FNIP1: variants seen among roughly 807,000 people sequenced by gnomAD.
The protein encoded by FNIP1 is folliculin interacting protein 1.
In FNIP1, 40 loss-of-function variants were observed where a neutral mutation model predicts 124.5. That is an observed-to-expected ratio of 0.32 (90% CI 0.25 to 0.42). FNIP1 has a LOEUF of 0.42. FNIP1 is among the 10% of genes least tolerant of loss of function. FNIP1 has a pLI of 1.00. For synonymous variants in FNIP1, 472 were observed against 470.6 expected (o/e 1.00, Z -0.04); for missense variants, 1,176 against 1,403.7 (o/e 0.84, Z 2.59).
chr5:131,787,054 G>C (rs1311430530), intron 1 of FNIP1, among the ~76,000 whole-genome samples: 1 of 152,128 alleles, frequency 6.6e-6, no homozygotes, highest in African/African-American at 2.4e-5. Flanking sequence ...TCTTCAGCCA[G>C]CATTTTGTGG....
chr5:131,740,409 T>C (rs1008193388), intron 2 of FNIP1, among the ~76,000 whole-genome samples: 1 of 152,250 alleles, frequency 6.6e-6, no homozygotes, highest in Non-Finnish European at 1.5e-5. Context: ...TCTTAAAATC[T>C]GTAATCATCT....
intron 1 of FNIP1, among the ~76,000 whole-genome samples, chr5:131,764,702 A>G (rs1333221878): frequency 6.6e-6 from 1 of 152,072 alleles, no homozygotes; most frequent in Non-Finnish European, 1.5e-5. Flanking sequence ...TGAAAAGAAC[A>G]TCTATACGCA....
intron 9 of FNIP1, 56 bp downstream of exon 9, chr5:131,706,355 A>G: frequency 6.8e-7 from 1 of 1,460,912 alleles, no homozygotes; most frequent in South Asian, 1.5e-5. Flanking sequence ...AAACCCATAT[A>G]AAATTGTGTT....
chr5:131,702,526 G>A (rs1167872480), intron 10 of FNIP1, among the ~76,000 whole-genome samples: 1 of 152,082 alleles, frequency 6.6e-6, no homozygotes, highest in Admixed American at 6.5e-5. Flanking sequence ...CCCTTTGGGT[G>A]GCAAGAATGT....
chr5:131,779,527 A>C (rs1027878008), intron 1 of FNIP1, among the ~76,000 whole-genome samples: 1 of 151,794 alleles, frequency 6.6e-6, no homozygotes, highest in African/African-American at 2.4e-5. Context: ...AAAAAAAAAA[A>C]AAATACAAAA....
At chr5:131,664,842 T>A (rs544350134) in intron 15 of FNIP1, among the ~76,000 whole-genome samples, 1 of 150,770 alleles carries the variant, frequency 6.6e-6, no homozygotes, top group Non-Finnish European at 1.5e-5. Context: ...TATGGGTATA[T>A]ATAAATACAT....
intron 2 of FNIP1, among the ~76,000 whole-genome samples, chr5:131,741,192 C>A (rs977975935): frequency 6.6e-6 from 1 of 152,066 alleles, no homozygotes; most frequent in Non-Finnish European, 1.5e-5. Flanking sequence ...CTCTTGGGGT[C>A]TGGATCCAGA....
chr5:131,644,810 G>A (rs776790503), intron 17 of FNIP1, 47 bp from the exon 18 acceptor site: 1 of 1,570,682 alleles, frequency 6.4e-7, no homozygotes, highest in African/African-American at 1.3e-5. Context: ...TCTGTACTGA[G>A]GACATGAACT....
chr5:131,760,795 A>C (rs1179058452), intron 1 of FNIP1, among the ~76,000 whole-genome samples: 1 of 151,606 alleles, frequency 6.6e-6, no homozygotes, highest in East Asian at 1.9e-4. Context: ...AAAGCTATGC[A>C]TGTAGAATTA....
chr5:131,765,540 T>G (rs1182019045), intron 1 of FNIP1, among the ~76,000 whole-genome samples: 1 of 152,238 alleles, frequency 6.6e-6, no homozygotes, highest in Non-Finnish European at 1.5e-5. Flanking sequence ...AATGTAAGCA[T>G]GCTTTCCTTA....
chr5:131,746,756 T>A (rs1343559977), intron 1 of FNIP1, among the ~76,000 whole-genome samples: 1 of 152,200 alleles, frequency 6.6e-6, no homozygotes, highest in Non-Finnish European at 1.5e-5. Context: ...TGCATGTGTC[T>A]TTTTGGTAGC....
At chr5:131,710,732 A>G in intron 6 of FNIP1, 71 bp from the exon 7 acceptor site, 10 of 1,333,888 alleles carry the variant, frequency 7.5e-6, no homozygotes, top group South Asian at 6.4e-5. Context: ...CAGGGAAAAA[A>G]GGTGAGCTAA....
At chr5:131,709,334 T>C (rs1769216453) in intron 7 of FNIP1, 62 bp from the exon 8 acceptor site, 1 of 1,371,714 alleles carries the variant, frequency 7.3e-7, no homozygotes, top group African/African-American at 1.4e-5. Context: ...GATGAACAGC[T>C]CCTTTTAAAT....
At chr5:131,700,319 A>G (rs554577155) in intron 10 of FNIP1, among the ~76,000 whole-genome samples, 1 of 152,184 alleles carries the variant, frequency 6.6e-6, no homozygotes, top group South Asian at 2.1e-4. Flanking sequence ...GCCAAGGTTA[A>G]AAAGCCTTAA....
intron 15 of FNIP1, among the ~76,000 whole-genome samples, chr5:131,668,486 A>G (rs956325477): frequency 6.6e-6 from 1 of 152,180 alleles, no homozygotes; most frequent in Non-Finnish European, 1.5e-5. Flanking sequence ...GGAGTTCCAG[A>G]CCAACCTGGC....
chr5:131,657,415 C>A (rs1321723675), intron 15 of FNIP1, among the ~76,000 whole-genome samples: 2 of 152,122 alleles, frequency 1.3e-5, no homozygotes, highest in African/African-American at 4.8e-5. Context: ...GAGTTTAACA[C>A]TGCAAGTGTT....
At chr5:131,690,215 T>C (rs945271175) in intron 11 of FNIP1, among the ~76,000 whole-genome samples, 1 of 151,630 alleles carries the variant, frequency 6.6e-6, no homozygotes, top group Non-Finnish European at 1.5e-5. Context: ...AGAGCAATAC[T>C]CCATCTCAAA....
chr5:131,707,459 C>A (rs879266205), intron 8 of FNIP1, among the ~76,000 whole-genome samples: 1 of 152,142 alleles, frequency 6.6e-6, no homozygotes, highest in Non-Finnish European at 1.5e-5. Context: ...GACACCAGCA[C>A]TAAAAACTGA....
At chr5:131,740,735 C>T (rs995301029) in intron 2 of FNIP1, among the ~76,000 whole-genome samples, 3 of 152,096 alleles carry the variant, frequency 2.0e-5, no homozygotes, top group African/African-American at 7.2e-5. Flanking sequence ...AGGCTCAGAC[C>T]GACTGGGCTG....
Sources: allele counts gnomAD v4.1 joint callset (sites outside exome capture counted in the v4.1 genomes callset), GRCh38; gene constraint gnomAD v4.1.1; transcripts MANE v1.5; gene names NCBI Gene and HGNC (gene_info 2026-07-23, HGNC 2026-07-21).